The following C5 variants were observed in gnomAD, a reference collection of about 807,000 sequenced individuals.
The protein encoded by C5 is C3 and PZP-like alpha-2-macroglobulin domain-containing protein 4.
C5 carries 140 observed loss-of-function variants against 218.8 expected under a neutral mutation model. The observed-to-expected ratio is 0.64, with a 90% CI of 0.56 to 0.74. C5 has a LOEUF of 0.74. Ranked by LOEUF, C5 falls within the 30% of genes least tolerant of loss-of-function variation. The pLI, the probability that C5 is intolerant of heterozygous loss-of-function variation, is 0.00. For synonymous variants in C5, 614 were observed against 682.3 expected (o/e 0.90, Z 1.56); for missense variants, 1,700 against 1,969.6 (o/e 0.86, Z 2.59).
At chr9:121,036,167 G>A (rs2131806099) in intron 4 of C5, among the ~76,000 whole-genome samples, 2 of 152,282 alleles carry the variant, frequency 1.3e-5, no homozygotes, top group South Asian at 4.2e-4. Flanking sequence ...GTAATTAATT[G>A]TAAAACTTAC....
At chr9:121,026,324 T>A (rs1480810628) in intron 8 of C5, among the ~76,000 whole-genome samples, 4 of 152,192 alleles carry the variant, frequency 2.6e-5, no homozygotes, top group African/African-American at 9.7e-5. Context: ...CTAATCTCAG[T>A]TCCAGCAATC....
Position 120,968,997 on chromosome 9 carries a change from A to T in C5, c.4220+64T>A, listed in dbSNP as rs927409448. 9.5e-6 allele frequency: 13 copies of T among 1,372,850 alleles called. No homozygotes were observed. In the African/African-American group the frequency reaches 1.9e-4, roughly 20 times the overall value. The allele number at this position is 1,372,850 out of a possible 1,614,324, so 85.0% of individuals were successfully genotyped here. On this transcript the variant is annotated intron_variant, in intron 33 of 40. Transcript: ENST00000223642. ...TACCAAAATTTGAAAATATGTAAAG[A>T]AACAATACGTTAACAAAAATGAGAA...
At chr9:120,994,587 C>A (rs568023010) in intron 22 of C5, among the ~76,000 whole-genome samples, 1 of 121,188 alleles carries the variant, frequency 8.3e-6, no homozygotes, top group East Asian at 2.9e-4. Context: ...TGTCCCCCCA[C>A]CCCACAAAAA....
Position 121,015,195 on chromosome 9 carries a change from G to T in C5, c.2059+4C>A, listed in dbSNP as rs1564152043. 1 of 1,580,952 alleles carries T rather than the reference G, an allele frequency of 6.3e-7. No individual in the cohort carries two copies. The highest frequency in any genetic ancestry group is 1.7e-5 in the Admixed American group (1 of 59,924). ...TTTTTACAATCACATGAATCTTACAGTACCTATTTCTTCTATCTTCTTTTG... is the reference window on the plus strand; with the variant it reads ...TTTTTACAATCACATGAATCTTACATTACCTATTTCTTCTATCTTCTTTTG... On this transcript the variant is annotated splice_donor_region_variant and intron_variant, in intron 16 of 40. Coordinates refer to ENST00000223642, the MANE Select transcript of C5 (RefSeq NM_001735.3).
intron 1 of C5, among the ~76,000 whole-genome samples, chr9:121,048,360 G>T (rs1025313140): frequency 6.6e-6 from 1 of 152,232 alleles, no homozygotes; most frequent in African/African-American, 2.4e-5. Context: ...CCTGAGCTCT[G>T]CCTCCTGTCA....
intron 40 of C5, among the ~76,000 whole-genome samples, chr9:120,953,081 G>A (rs959257770): frequency 7.2e-5 from 11 of 152,078 alleles, no homozygotes; most frequent in Non-Finnish European, 1.6e-4. Flanking sequence ...CTGCCACCAC[G>A]CCCGGCTATT....
chr9:120,982,001 A>T, intron 26 of C5, 62 bp from the exon 27 acceptor site: 1 of 1,082,828 alleles, frequency 9.2e-7, no homozygotes, highest in South Asian at 1.3e-5. Context: ...AAATGACCTG[A>T]TTCTACTCTG....
intron 30 of C5, among the ~76,000 whole-genome samples, chr9:120,974,123 C>G (rs943201130): frequency 2.0e-5 from 3 of 152,124 alleles, no homozygotes; most frequent in Non-Finnish European, 4.4e-5. Flanking sequence ...TATGTATCAG[C>G]AGCTATATGT....
intron 8 of C5, 105 bp downstream of exon 8, chr9:121,027,055 A>G (rs1372362902): frequency 2.7e-6 from 2 of 729,058 alleles, no homozygotes; most frequent in Admixed American, 2.0e-5. Flanking sequence ...TTAAGTTTCA[A>G]CCTATCTAAA....
chr9:121,037,749 C>T, intron 4 of C5, 132 bp downstream of exon 4: 1 of 528,896 alleles, frequency 1.9e-6, no homozygotes, highest in South Asian at 3.3e-5. Context: ...TGATTCTATA[C>T]TCATTGCAGA....
chr9:121,072,337 C>G, the C5 span, among the ~76,000 whole-genome samples: 1 of 152,080 alleles, frequency 6.6e-6, no homozygotes. Context: ...TAATGGATCC[C>G]ACGTGAATAC....
intron 1 of C5, among the ~76,000 whole-genome samples, chr9:121,049,642 A>T (rs2047656636): frequency 6.6e-6 from 1 of 152,196 alleles, no homozygotes; most frequent in Admixed American, 6.5e-5. Flanking sequence ...ATCTGCAGTT[A>T]CTTTTCAGTA....
intron 3 of C5, 60 bp downstream of exon 3, chr9:121,042,944 C>A: frequency 7.1e-7 from 1 of 1,401,660 alleles, no homozygotes; most frequent in Admixed American, 1.7e-5. Flanking sequence ...AAAAGCTCTA[C>A]AATATAGTGT....
intron 33 of C5, among the ~76,000 whole-genome samples, chr9:120,964,156 A>T (rs1391562523): frequency 6.6e-6 from 1 of 152,228 alleles, no homozygotes; most frequent in Non-Finnish European, 1.5e-5. Context: ...AAAGAGATTC[A>T]ATAAACATGT....
chr9:120,962,456 A>AGGACT (rs2046834404), intron 36 of C5, among the ~76,000 whole-genome samples: 1 of 152,210 alleles, frequency 6.6e-6, no homozygotes, highest in South Asian at 2.1e-4. Flanking sequence ...GAAGAAACTG[A>AGGACT]GGACTGAGGT....
Position 120,989,665 on chromosome 9 carries a change from G to C in C5, c.3057C>G (p.Phe1019Leu). The change falls in exon 24 of 41, where the codon TTC (phenylalanine) becomes TTG (leucine). Residue 1019 changes from phenylalanine to leucine, a missense_variant. Coordinates refer to ENST00000223642, the MANE Select transcript of C5 (RefSeq NM_001735.3). ...CTGTTTCCAGGTAGTGAAAAACATA[G>C]AATACTGGGACAACGCTCATCAGCT... The part of the protein sequence containing the change: ...EAELMSVVPV[F>L]YVFHYLETGN... The C allele has an allele frequency of 6.2e-7, 1 of 1,613,346 alleles. No individual in the cohort carries two copies. The highest frequency in any genetic ancestry group is 8.5e-7 in the Non-Finnish European group (1 of 1,179,618).
intron 17 of C5, among the ~76,000 whole-genome samples, chr9:121,008,878 C>T (rs1269209234): frequency 6.6e-6 from 1 of 151,940 alleles, no homozygotes; most frequent in Non-Finnish European, 1.5e-5. Context: ...TGCAGTGAGC[C>T]GAGATTGCAC....
At chr9:120,974,597 G>C (rs1175806347) in intron 30 of C5, among the ~76,000 whole-genome samples, 182 bp downstream of exon 30, 1 of 152,160 alleles carries the variant, frequency 6.6e-6, no homozygotes, top group Non-Finnish European at 1.5e-5. Context: ...TACGCTGATT[G>C]TTTGTGTTTT....
At chr9:120,966,911 G>A (rs552594633) in intron 33 of C5, among the ~76,000 whole-genome samples, 4 of 152,184 alleles carry the variant, frequency 2.6e-5, no homozygotes, top group South Asian at 2.1e-4. Flanking sequence ...AGGGAGGCAG[G>A]GAGAAACTAT....
Sources: gnomAD v4.1 joint callset for allele counts (sites outside exome capture counted in the v4.1 genomes callset) on GRCh38, gnomAD v4.1.1 for gene constraint, MANE v1.5 for transcripts, NCBI Gene and HGNC (gene_info 2026-07-23, HGNC 2026-07-21) for gene names.